The following PLXNA4 variants were observed in gnomAD, a reference collection of about 807,000 sequenced individuals.
The protein encoded by PLXNA4 is plexin A4.
In PLXNA4, 44 loss-of-function variants were observed where a neutral mutation model predicts 191.8. That is an observed-to-expected ratio of 0.23 (90% CI 0.18 to 0.29). PLXNA4 has a LOEUF of 0.29. Ranked by LOEUF, PLXNA4 falls within the 10% of genes least tolerant of loss-of-function variation. The probability of loss-of-function intolerance (pLI) is 1.00; values close to 1 mark genes in which losing one functional copy is unlikely to be tolerated. For missense variants in PLXNA4, 1,800 were observed against 2,488.8 expected (o/e 0.72, Z 5.89); for synonymous variants, 1,082 against 1,009.5 (o/e 1.07, Z -1.36).
At chr7:132,564,331 T>TCTGCTGCTCCTCCTCCTTCTCCTC in intron 1 of PLXNA4, among the ~76,000 whole-genome samples, 1 of 119,378 alleles carries the variant, frequency 8.4e-6, no homozygotes, top group African/African-American at 3.2e-5. Context: ...TCCTTCTCCT[T>TCTGCTGCTCCTCCTCCTTCTCCTC]CTGCTGCTCC....
intron 3 of PLXNA4, among the ~76,000 whole-genome samples, chr7:132,478,460 G>T (rs1797212574): frequency 2.0e-5 from 3 of 152,212 alleles, no homozygotes; most frequent in East Asian, 3.8e-4. Flanking sequence ...TATGCTCTGT[G>T]GGGGAAGGAA....
chr7:132,599,019 A>C (rs1463351404), intron 2 of PLXNA4, among the ~76,000 whole-genome samples: 1 of 152,176 alleles, frequency 6.6e-6, no homozygotes, highest in Admixed American at 6.5e-5. Flanking sequence ...TCTGTTAATT[A>C]AATAGTTCAT....
At position 132,145,227 on chromosome 7, in the gene PLXNA4, C is replaced by T; in HGVS notation, c.5117G>A (p.Gly1706Asp). 1 of 1,614,198 alleles carries T rather than the reference C, an allele frequency of 6.2e-7. No homozygotes were observed. Among genetic ancestry groups the T allele is most frequent in the Non-Finnish European group, 8.5e-7 (1 of 1,180,038 alleles). Residue 1706 changes from glycine (G) to aspartate (D), a missense_variant, in exon 29 of 32, where the codon GGC becomes GAC. Physicochemically the swap from Gly to Asp is moderately conservative, Grantham distance 94. This residue lies in a region of PLXNA4 where 101 missense variants were observed against 182.8 expected (regional missense o/e 0.55). Transcript: ENST00000321063. ...FETIFSTAHR[G>D]SALPLAIKYM... is the part of the protein sequence containing the mutation. ...CTTGATGGCCAGGGGCAGGGCAGAG[C>T]CACGGTGTGCCGTGCTGAAGATGGT...
At chr7:132,146,381 C>T (rs1158692451) in intron 28 of PLXNA4, 129 bp downstream of exon 28, 20 of 1,491,920 alleles carry the variant, frequency 1.3e-5, no homozygotes, top group Non-Finnish European at 1.5e-5. Context: ...AGCAGTGCCT[C>T]CTGGGGTGGG....
intron 3 of PLXNA4, among the ~76,000 whole-genome samples, chr7:132,402,492 A>G (rs963151784): frequency 2.0e-5 from 3 of 152,194 alleles, no homozygotes; most frequent in African/African-American, 4.8e-5. Context: ...CCTGTTATTA[A>G]TTAGTCCAAC....
intron 2 of PLXNA4, among the ~76,000 whole-genome samples, chr7:132,617,239 A>G (rs1803173924): frequency 6.6e-6 from 1 of 152,108 alleles, no homozygotes; most frequent in Non-Finnish European, 1.5e-5. Context: ...GCTTCTCAGT[A>G]GTGACAGGGA....
intron 3 of PLXNA4, among the ~76,000 whole-genome samples, chr7:132,390,532 T>G (rs893997795): frequency 6.6e-6 from 1 of 152,040 alleles, no homozygotes; most frequent in African/African-American, 2.4e-5. Flanking sequence ...AACCTGCACG[T>G]TCTGCATATA....
intron 3 of PLXNA4, among the ~76,000 whole-genome samples, chr7:132,464,572 A>T (rs1250746617): frequency 6.6e-6 from 1 of 152,180 alleles, no homozygotes; most frequent in Non-Finnish European, 1.5e-5. Context: ...TATGTGGAAT[A>T]TGTGAAAAAT....
intron 3 of PLXNA4, among the ~76,000 whole-genome samples, chr7:132,391,313 C>T (rs530435498): frequency 2.7e-4 from 41 of 152,308 alleles, no homozygotes; most frequent in South Asian, 1.2e-3. Context: ...TTCCCTTACT[C>T]GATCTCCCCC....
intron 21 of PLXNA4, among the ~76,000 whole-genome samples, chr7:132,170,274 T>C (rs1361199827): frequency 6.6e-6 from 1 of 152,160 alleles, no homozygotes; most frequent in Non-Finnish European, 1.5e-5. Context: ...AAAGGTAGGT[T>C]TGTTATAATC....
In PLXNA4 at chr7:132,496,196, C is replaced by G. The variant is rs75881570; in HGVS notation, c.1189-6722G>C. Reference sequence around the variant, plus strand: ...CGTCCAAGTTCTCTGGCTTATGAAACAGTATTCTGCCCCTCTTTCACACAT... The same window carrying G: ...CGTCCAAGTTCTCTGGCTTATGAAAGAGTATTCTGCCCCTCTTTCACACAT... On this transcript the variant is annotated intron_variant, in intron 2 of 31. Transcript: ENST00000321063. Among the ~76,000 whole-genome samples, 1,319 of 152,266 alleles carry G rather than the reference C, an allele frequency of 8.7e-3. 21 individuals carry two copies. Among genetic ancestry groups the G allele is most frequent in the African/African-American group, 0.029 (1,216 of 41,536 alleles).
At chr7:132,181,984 G>A (rs1796722997) in intron 17 of PLXNA4, 113 bp downstream of exon 17, 3 of 1,537,000 alleles carry the variant, frequency 2.0e-6, no homozygotes, top group Admixed American at 1.9e-5. Context: ...CAGGCTGTGG[G>A]TTATCAGTGT....
At chr7:132,415,006 G>C (rs560776544) in intron 3 of PLXNA4, among the ~76,000 whole-genome samples, 1 of 152,074 alleles carries the variant, frequency 6.6e-6, no homozygotes, top group Non-Finnish European at 1.5e-5. Context: ...CCCTTTCCCC[G>C]ACCTCTACCA....
intron 4 of PLXNA4, among the ~76,000 whole-genome samples, chr7:132,249,614 C>G (rs556113631): frequency 2.0e-4 from 30 of 152,324 alleles, no homozygotes; most frequent in African/African-American, 7.2e-4. Context: ...CCCTGATGCA[C>G]AGATGGAAAA....
chr7:132,165,483 A>G (rs1033812298), intron 22 of PLXNA4, among the ~76,000 whole-genome samples: 3 of 152,162 alleles, frequency 2.0e-5, no homozygotes, highest in Admixed American at 2.0e-4. Context: ...CCGCTGTCCA[A>G]TTGCACGTTC....
intron 1 of PLXNA4, among the ~76,000 whole-genome samples, chr7:132,567,334 T>C (rs894945994): frequency 6.2e-5 from 7 of 112,236 alleles, no homozygotes; most frequent in Admixed American, 4.3e-4. Context: ...CCAAAACCCA[T>C]AGTGAGTTTT....
chr7:132,521,177 T>TAAA lies in PLXNA4; in HGVS notation c.-86-12399_-86-12398insTTT, dbSNP rs143452224. Among the ~76,000 whole-genome samples, 7 of 115,620 alleles carry TAAA rather than the reference T, an allele frequency of 6.1e-5. 1 individual carries two copies. The highest frequency in any genetic ancestry group is 9.8e-5 in the African/African-American group (3 of 30,524). 75.9% of individuals were successfully genotyped at this position (115,620 alleles called of 152,430 possible). On this transcript the variant is annotated intron_variant, in intron 1 of 31. Coordinates refer to ENST00000321063, the MANE Select transcript of PLXNA4 (RefSeq NM_020911.2). Reference sequence around the variant, plus strand: ...GCTGAACGGAGATATATTTGCTCCTTGAAAAAAAAAAAAAAAAAAAAAAAA... The same window carrying TAAA: ...GCTGAACGGAGATATATTTGCTCCTTAAAGAAAAAAAAAAAAAAAAAAAAAAAA...
intron 3 of PLXNA4, among the ~76,000 whole-genome samples, chr7:132,453,255 C>A (rs1186286520): frequency 6.6e-6 from 1 of 152,126 alleles, no homozygotes. Flanking sequence ...GGTGGGAGAG[C>A]AGCAAAGATG....
chr7:132,322,704 TCTC>T (rs1802220960), intron 3 of PLXNA4, among the ~76,000 whole-genome samples: 1 of 152,200 alleles, frequency 6.6e-6, no homozygotes, highest in South Asian at 2.1e-4. Context: ...GAGACACTCA[TCTC>T]CTCTTAAGCA....
Sources: allele counts gnomAD v4.1 joint callset (sites outside exome capture counted in the v4.1 genomes callset), GRCh38; gene constraint gnomAD v4.1.1; regional missense constraint gnomAD v4.1.1; transcripts MANE v1.5; gene names NCBI Gene and HGNC (gene_info 2026-07-23, HGNC 2026-07-21).